STPG2: variants seen among roughly 807,000 people sequenced by gnomAD.
STPG2 encodes sperm tail PG-rich repeat containing 2.
Under a neutral mutation model 54.2 loss-of-function variants are expected in STPG2, and 56 were observed. The observed-to-expected ratio is 1.03, with a 90% CI of 0.83 to 1.29. The LOEUF (loss-of-function observed/expected upper bound fraction) is 1.29, where lower values mean the gene tolerates loss of function less well. STPG2 is among the 50% of genes most tolerant of loss of function. The pLI, the probability that STPG2 is intolerant of heterozygous loss-of-function variation, is 0.00. For missense variants in STPG2, 596 were observed against 544.9 expected, an observed-to-expected ratio of 1.09 and a Z score of -0.93; for synonymous variants, 200 against 181.8, an observed-to-expected ratio of 1.10 and a Z score of -0.81.
At chr4:97,693,112 T>A (rs1262174741) in intron 10 of STPG2, among the ~76,000 whole-genome samples, 1 of 147,286 alleles carries the variant, frequency 6.8e-6, no homozygotes, top group Non-Finnish European at 1.5e-5. Flanking sequence ...AAATCTCACA[T>A]GACCAATAAA....
chr4:98,025,066 T>C lies in STPG2; in HGVS notation c.613-43748A>G, dbSNP rs187737441. 3.2e-3 allele frequency among the ~76,000 whole-genome samples: 491 copies of C among 152,262 alleles called. 2 individuals are homozygous for C. The highest frequency in any genetic ancestry group is 5.6e-3 in the Non-Finnish European group (378 of 68,004). Reference sequence around the variant, plus strand: ...GGTATAAGAATAAAAATGGGGAGGATAGCAAAAAGGCTCTCCTTTATTATC... The same window carrying C: ...GGTATAAGAATAAAAATGGGGAGGACAGCAAAAAGGCTCTCCTTTATTATC... On this transcript the variant is annotated intron_variant, in intron 5 of 10. Transcript: ENST00000295268.
intron 4 of STPG2, among the ~76,000 whole-genome samples, chr4:97,535,223 C>T (rs557233734): frequency 3.3e-5 from 5 of 152,186 alleles, no homozygotes; most frequent in African/African-American, 9.6e-5. Context: ...TGTTAAGTGG[C>T]TGTATTATGG....
chr4:97,859,348 C>T (rs1729436518), intron 8 of STPG2, among the ~76,000 whole-genome samples: 1 of 152,074 alleles, frequency 6.6e-6, no homozygotes, highest in Non-Finnish European at 1.5e-5. Flanking sequence ...TTCTCCCACT[C>T]TGTGGGATGT....
chr4:97,988,880 C>T (rs2149267902), intron 5 of STPG2, among the ~76,000 whole-genome samples: 1 of 152,312 alleles, frequency 6.6e-6, no homozygotes, highest in South Asian at 2.1e-4. Flanking sequence ...TCCCAAAGTT[C>T]TGGGATTACA....
chr4:98,130,812 C>G (rs1739966328), intron 2 of STPG2, among the ~76,000 whole-genome samples: 1 of 150,764 alleles, frequency 6.6e-6, no homozygotes, highest in South Asian at 2.1e-4. Flanking sequence ...GTCCCAGCTA[C>G]TCAAGAAGCT....
intron 4 of STPG2, among the ~76,000 whole-genome samples, chr4:97,515,791 T>A (rs775001888): frequency 6.6e-6 from 1 of 152,040 alleles, no homozygotes; most frequent in Non-Finnish European, 1.5e-5. Flanking sequence ...TTTATACACA[T>A]ATACTTATGT....
intron 6 of STPG2, among the ~76,000 whole-genome samples, chr4:97,973,731 G>T (rs1006245256): frequency 2.0e-5 from 3 of 150,848 alleles, no homozygotes; most frequent in Admixed American, 6.6e-5. Flanking sequence ...TTGCTGAAAG[G>T]AGCCAACGTA....
intron 5 of STPG2, among the ~76,000 whole-genome samples, chr4:98,001,845 C>G (rs1735423815): frequency 6.6e-6 from 1 of 152,112 alleles, no homozygotes; most frequent in Non-Finnish European, 1.5e-5. Context: ...TGGCAACTAA[C>G]TCAATTTTTA....
At chr4:98,003,829 T>C (rs909580524) in intron 5 of STPG2, among the ~76,000 whole-genome samples, 1 of 152,102 alleles carries the variant, frequency 6.6e-6, no homozygotes, top group Non-Finnish European at 1.5e-5. Context: ...AGAAGGCATA[T>C]AGGTTTGGAG....
At chr4:97,836,398 T>C (rs570255640) in intron 9 of STPG2, among the ~76,000 whole-genome samples, 1 of 152,110 alleles carries the variant, frequency 6.6e-6, no homozygotes, top group East Asian at 1.9e-4. Context: ...TATTTTTAAT[T>C]AAGCCATTTA....
intron 9 of STPG2, among the ~76,000 whole-genome samples, chr4:97,813,905 C>A (rs764635462): frequency 2.6e-4 from 39 of 152,042 alleles, no homozygotes; most frequent in Middle Eastern, 6.8e-3. Flanking sequence ...AAGGTTAGGT[C>A]ATTCAAGTAA....
chr4:97,545,241 G>A (rs1305120147), intron 4 of STPG2, among the ~76,000 whole-genome samples: 1 of 152,014 alleles, frequency 6.6e-6, no homozygotes, highest in Non-Finnish European at 1.5e-5. Context: ...CATCCAAGGA[G>A]GGGCATAAAA....
At chr4:97,739,416 A>G (rs1257891034) in intron 9 of STPG2, among the ~76,000 whole-genome samples, 1 of 152,180 alleles carries the variant, frequency 6.6e-6, no homozygotes, top group Non-Finnish European at 1.5e-5. Flanking sequence ...AAAATTAATG[A>G]ATCCAGGAGC....
intron 8 of STPG2, among the ~76,000 whole-genome samples, chr4:97,872,934 T>C (rs1012345044): frequency 1.3e-5 from 2 of 151,288 alleles, no homozygotes; most frequent in African/African-American, 4.8e-5. Flanking sequence ...GTCCCTGCGA[T>C]GAAAGCAGTA....
chr4:97,446,693 G>T (rs1729230649), intron 4 of STPG2, among the ~76,000 whole-genome samples: 1 of 152,086 alleles, frequency 6.6e-6, no homozygotes, highest in African/African-American at 2.4e-5. Flanking sequence ...TATAAGTGTT[G>T]GCAGTACCTC....
chr4:98,128,345 A>G, intron 3 of STPG2, 83 bp downstream of exon 3: 1 of 1,241,378 alleles, frequency 8.1e-7, no homozygotes, highest in Non-Finnish European at 1.1e-6. Context: ...TTTTTCTTGG[A>G]GAAATAAGCC....
chr4:97,977,006 T>C (rs1431897040), intron 6 of STPG2, among the ~76,000 whole-genome samples: 2 of 152,316 alleles, frequency 1.3e-5, no homozygotes, highest in South Asian at 2.1e-4. Context: ...CCTTAAAGGA[T>C]TGTGCTTATG....
intron 10 of STPG2, among the ~76,000 whole-genome samples, chr4:97,678,284 A>G (rs1419745626): frequency 1.3e-5 from 2 of 152,184 alleles, no homozygotes; most frequent in Non-Finnish European, 2.9e-5. Context: ...GATGTACATT[A>G]AATTACAGAT....
intron 4 of STPG2, among the ~76,000 whole-genome samples, chr4:97,466,738 TATA>T (rs1297072581): frequency 1.3e-5 from 2 of 151,952 alleles, no homozygotes; most frequent in East Asian, 3.9e-4. Context: ...ATAGCAGAAA[TATA>T]AGAACAAAAT....
Sources: allele counts gnomAD v4.1 joint callset (sites outside exome capture counted in the v4.1 genomes callset), GRCh38; gene constraint gnomAD v4.1.1; transcripts MANE v1.5; gene names NCBI Gene and HGNC (gene_info 2026-07-23, HGNC 2026-07-21).